RAD50: variants seen among roughly 807,000 people sequenced by gnomAD.
RAD50 encodes the protein RAD50 double strand break repair protein, also known as DNA repair protein RAD50.
A neutral mutation model predicts 168.8 loss-of-function variants in RAD50; 132 were observed. That is an observed-to-expected ratio of 0.78 (90% confidence interval 0.68 to 0.90). The LOEUF is 0.90. Ranked by LOEUF, RAD50 falls within the 40% of genes least tolerant of loss-of-function variation. RAD50 has a pLI of 0.00. For synonymous variants in RAD50, 525 were observed against 497.4 expected (o/e 1.06, Z -0.74); for missense variants, 1,347 against 1,534.4 (o/e 0.88, Z 2.04).
intron 13 of RAD50, among the ~76,000 whole-genome samples, chr5:132,596,072 A>G (rs1211746358): frequency 3.3e-5 from 5 of 151,308 alleles, no homozygotes; most frequent in Non-Finnish European, 1.5e-5. Context: ...ATCTTGGCTC[A>G]TTGCAACCTC....
intron 15 of RAD50, among the ~76,000 whole-genome samples, chr5:132,604,380 C>T (rs1464427962): frequency 6.6e-6 from 1 of 151,926 alleles, no homozygotes; most frequent in Admixed American, 6.6e-5. Context: ...ATTCTCCTGC[C>T]TCACCCTCCT....
chr5:132,607,669 T>A (rs1751009499), intron 16 of RAD50, among the ~76,000 whole-genome samples: 1 of 152,194 alleles, frequency 6.6e-6, no homozygotes, highest in South Asian at 2.1e-4. Flanking sequence ...GCAACCCTAT[T>A]TAGATGATGA....
intron 16 of RAD50, 109 bp downstream of exon 16, chr5:132,605,108 G>A (rs905221967): frequency 3.3e-5 from 26 of 790,616 alleles, no homozygotes; most frequent in Admixed American, 2.2e-4. Flanking sequence ...GCAGTAGCAC[G>A]ATCTCGGCTC....
chr5:132,594,780 G>A (rs1400853334), intron 11 of RAD50, 89 bp from the exon 12 acceptor site: 11 of 1,302,962 alleles, frequency 8.4e-6, no homozygotes, highest in Non-Finnish European at 1.2e-5. Context: ...ATGATTTGTT[G>A]GCAGAATTTG....
chr5:132,617,971 G>GA, intron 20 of RAD50, 99 bp from the exon 21 acceptor site: 1 of 987,308 alleles, frequency 1.0e-6, no homozygotes, highest in Non-Finnish European at 1.6e-6. Context: ...TTGCTAAGGA[G>GA]AATGATACTT....
intron 22 of RAD50, 46 bp downstream of exon 22, chr5:132,637,246 C>G (rs757107812): frequency 6.3e-7 from 1 of 1,584,150 alleles, no homozygotes; most frequent in South Asian, 1.1e-5. Context: ...AAGCCCTCTC[C>G]GCAGCTCTTC....
At chr5:132,634,348 T>G (rs916717678) in intron 21 of RAD50, among the ~76,000 whole-genome samples, 1 of 152,118 alleles carries the variant, frequency 6.6e-6, no homozygotes, top group African/African-American at 2.4e-5. Flanking sequence ...GGATCCTTTT[T>G]TTTTCTATTG....
intron 2 of RAD50, among the ~76,000 whole-genome samples, chr5:132,565,292 GT>G (rs34776903): frequency 0.32 from 47,823 of 149,546 alleles, 9,773 homozygotes; most frequent in African/African-American, 0.59. Context: ...CCAGTTTCAG[GT>G]TTTTTTTTTA....
Position 132,638,162 on chromosome 5 carries a change from T to C in RAD50, c.3557T>C (p.Val1186Ala). The stretch of plus-strand genomic sequence containing the variant: ...AAAAGGCGGAATTATAACTACCGAG[T>C]GGTGATGCTGAAGGGAGACACAGCC... The part of the protein sequence containing the change: ...SDKRRNYNYR[V>A]VMLKGDTALD... The change falls in exon 23 of 25, where the codon GTG (valine) becomes GCG (alanine). Residue 1186 changes from valine (V) to alanine (A), a missense_variant. Physicochemically the swap from Val to Ala is moderately conservative, Grantham distance 64. Coordinates refer to ENST00000378823, the MANE Select transcript of RAD50 (RefSeq NM_005732.4). 3.1e-6 allele frequency: 5 copies of C among 1,613,964 alleles called. No homozygotes were observed. Among genetic ancestry groups the C allele is most frequent in the Non-Finnish European group, 4.2e-6 (5 of 1,179,988 alleles).
chr5:132,591,210 G>T lies in RAD50; in HGVS notation c.1453-14G>T. 2 of 1,595,114 alleles carry T rather than the reference G, an allele frequency of 1.3e-6. No individual in the cohort carries two copies. Among genetic ancestry groups the T allele is most frequent in the South Asian group, 1.1e-5 (1 of 90,628 alleles). ...ATATATAACACCTTTGCATTTGTAT[G>T]AATTATTGACTAGGAACGTGAGTTA... On this transcript the variant is annotated splice_polypyrimidine_tract_variant and intron_variant, in intron 9 of 24. Transcript: ENST00000378823.
chr5:132,595,879 G>T, intron 13 of RAD50, 69 bp downstream of exon 13: 1 of 1,411,912 alleles, frequency 7.1e-7, no homozygotes, highest in East Asian at 2.3e-5. Flanking sequence ...CTCATGCCTG[G>T]GCAGATGGTA....
chr5:132,561,474 T>A (rs1750122697), intron 2 of RAD50, among the ~76,000 whole-genome samples: 1 of 146,682 alleles, frequency 6.8e-6, no homozygotes, highest in Non-Finnish European at 1.5e-5. Context: ...ATTACAGATG[T>A]GAGCCACTGC....
At chr5:132,575,399 C>T (rs1750375907) in intron 2 of RAD50, among the ~76,000 whole-genome samples, 1 of 152,172 alleles carries the variant, frequency 6.6e-6, no homozygotes, top group South Asian at 2.1e-4. Flanking sequence ...TGGGTACCTC[C>T]TGCAACATGT....
At chr5:132,638,489 G>A (rs1021708053) in intron 23 of RAD50, among the ~76,000 whole-genome samples, 14 of 152,082 alleles carry the variant, frequency 9.2e-5, no homozygotes, top group African/African-American at 3.1e-4. Flanking sequence ...CTGAAGACCC[G>A]TTAGAGTTTT....
chr5:132,626,954 C>A (rs918629347), intron 21 of RAD50, among the ~76,000 whole-genome samples: 1 of 152,118 alleles, frequency 6.6e-6, no homozygotes, highest in African/African-American at 2.4e-5. Context: ...GATCTCTGCT[C>A]ACTGTAACCT....
At chr5:132,576,633 A>G (rs1580985499) in intron 3 of RAD50, among the ~76,000 whole-genome samples, 1 of 152,310 alleles carries the variant, frequency 6.6e-6, no homozygotes, top group East Asian at 1.9e-4. Flanking sequence ...ACACTCAAGT[A>G]TCTCTCATAC....
At position 132,623,569 on chromosome 5, in the gene RAD50, T is replaced by A. The variant is rs560075490; in HGVS notation, c.3389+5275T>A. Among the ~76,000 whole-genome samples, 13 of 152,316 alleles carry A rather than the reference T, an allele frequency of 8.5e-5. No homozygotes were observed. The South Asian group carries it at 2.1e-3, about 24-fold the overall frequency. Reference sequence around the variant, plus strand: ...GACTGGTCTGGTTTTCACTTCTATCTTCGTTTCTATTATGTAGGGATTTCC... The same window carrying A: ...GACTGGTCTGGTTTTCACTTCTATCATCGTTTCTATTATGTAGGGATTTCC... On this transcript the variant is annotated intron_variant, in intron 21 of 24. Coordinates refer to ENST00000378823, the MANE Select transcript of RAD50 (RefSeq NM_005732.4).
intron 3 of RAD50, 121 bp from the exon 4 acceptor site, chr5:132,579,196 G>A (rs954090379): frequency 1.0e-5 from 10 of 982,316 alleles, no homozygotes; most frequent in East Asian, 5.2e-5. Flanking sequence ...CATTTCTAAC[G>A]GGATAGGTGA....
chr5:132,595,276 G>A lies in RAD50; in HGVS notation c.1969+232G>A, dbSNP rs143331722. On this transcript the variant is annotated intron_variant, in intron 12 of 24. Transcript: ENST00000378823. ...CAACTACCACCTGTGGTACTGAGGTGTGAATGAGATTGTAATTATAAAGCC... is the reference window on the plus strand; with the variant it reads ...CAACTACCACCTGTGGTACTGAGGTATGAATGAGATTGTAATTATAAAGCC... 8.9e-3 allele frequency: 5,224 copies of A among 584,306 alleles called. 38 individuals are homozygous for A. The highest frequency in any genetic ancestry group is 9.7e-3 in the Non-Finnish European group (3,258 of 335,252). The allele number at this position is 584,306 out of a possible 1,614,324, so 36.2% of individuals were successfully genotyped here. A position where few individuals can be genotyped will look rare whatever the true frequency, so the allele number is the denominator to read the frequency against.
Sources: allele counts gnomAD v4.1 joint callset (sites outside exome capture counted in the v4.1 genomes callset), GRCh38; gene constraint gnomAD v4.1.1; transcripts MANE v1.5; gene names NCBI Gene and HGNC (gene_info 2026-07-23, HGNC 2026-07-21).